Variants in CDV3 observed in about 807,000 individuals in gnomAD.
CDV3 encodes protein CDV3 homolog.
In CDV3, 14 loss-of-function variants were observed where a neutral mutation model predicts 24.5. The observed-to-expected ratio is 0.57, with a 90% CI of 0.38 to 0.89. The LOEUF (loss-of-function observed/expected upper bound fraction) is 0.89, where lower values mean the gene tolerates loss of function less well. Ranked by LOEUF, CDV3 falls within the 40% of genes least tolerant of loss-of-function variation. CDV3 has a pLI of 0.00. For synonymous variants in CDV3, 114 were observed against 114.1 expected, an observed-to-expected ratio of 1.00 and a Z score of 0.00; for missense variants, 304 against 310.2, an observed-to-expected ratio of 0.98 and a Z score of 0.15.
At chr3:133,579,076 C>T (rs971706468) in intron 2 of CDV3, among the ~76,000 whole-genome samples, 1 of 152,142 alleles carries the variant, frequency 6.6e-6, no homozygotes, top group African/African-American at 2.4e-5. Context: ...CTTTGTAGCC[C>T]TGGGGAAGGT....
At chr3:133,581,778 G>A (rs111857173) in intron 2 of CDV3, among the ~76,000 whole-genome samples, 2,112 of 152,240 alleles carry the variant, frequency 0.014, 41 homozygotes, top group African/African-American at 0.049. Flanking sequence ...AGATGTTTTT[G>A]TATTTATATT....
intron 2 of CDV3, among the ~76,000 whole-genome samples, chr3:133,575,705 A>G (rs1292772304): frequency 2.6e-5 from 4 of 152,256 alleles, no homozygotes; most frequent in Admixed American, 6.5e-5. Context: ...ACTTCATAGG[A>G]ATGGAATTAT....
intron 2 of CDV3, among the ~76,000 whole-genome samples, chr3:133,581,877 T>C (rs1391341593): frequency 6.6e-6 from 1 of 152,242 alleles, no homozygotes; most frequent in Non-Finnish European, 1.5e-5. Flanking sequence ...TTTAAATGGC[T>C]GCATAGAATT....
chr3:133,574,747 AAG>A, intron 1 of CDV3: 2 of 1,088,062 alleles, frequency 1.8e-6, no homozygotes, highest in Non-Finnish European at 2.2e-6. Context: ...GGCAAGGTTG[AAG>A]TAGAAATGTA....
intron 3 of CDV3, among the ~76,000 whole-genome samples, chr3:133,584,439 A>T (rs1403685839): frequency 1.3e-5 from 2 of 152,206 alleles, no homozygotes; most frequent in African/African-American, 4.8e-5. Flanking sequence ...TTCTTCTAAT[A>T]TTCTCGTTAA....
In CDV3 at chr3:133,573,882, G is replaced by A; in HGVS notation, c.-163G>A. The A allele has an allele frequency of 5.4e-6, 2 of 368,988 alleles. No homozygotes were observed. The highest frequency in any genetic ancestry group is 7.5e-6 in the Non-Finnish European group (2 of 266,722). 22.9% of individuals were successfully genotyped at this position (368,988 alleles called of 1,614,324 possible). On this transcript the variant is annotated 5_prime_UTR_variant, in exon 1 of 5. Coordinates refer to ENST00000264993, the MANE Select transcript of CDV3 (RefSeq NM_017548.5). ...GTACCACCGCTCGCCAGCACGCAGG[G>A]GGAGCCGCCCGTCTCGCCGCGCACG... is the stretch of plus-strand genomic sequence containing the variant.
chr3:133,580,987 T>C (rs1435155885), intron 2 of CDV3, among the ~76,000 whole-genome samples: 1 of 152,200 alleles, frequency 6.6e-6, no homozygotes, highest in South Asian at 2.1e-4. Context: ...TTAATTTTTT[T>C]CCTAAGGGCA....
At chr3:133,580,346 A>G (rs2074968195) in intron 2 of CDV3, among the ~76,000 whole-genome samples, 3 of 152,334 alleles carry the variant, frequency 2.0e-5, no homozygotes, top group South Asian at 4.1e-4. Context: ...TATATGTGCA[A>G]CGTTTTCTTT....
Position 133,575,005 on chromosome 3 carries a change from A to T in CDV3, c.241-34A>T, listed in dbSNP as rs560653256. 111 of 1,323,176 alleles carry T rather than the reference A, an allele frequency of 8.4e-5. 1 individual carries two copies. The Admixed American group carries it at 9.6e-4, about 11-fold the overall frequency. 82.0% of individuals were successfully genotyped at this position (1,323,176 alleles called of 1,614,324 possible). The stretch of plus-strand genomic sequence containing the variant: ...TTTGCTTAGTTATATGTCTACAAAT[A>T]GCTTTAATTGATCAAATGGCGTTTG... On this transcript the variant is annotated intron_variant, in intron 1 of 4. Coordinates refer to ENST00000264993, the MANE Select transcript of CDV3 (RefSeq NM_017548.5).
chr3:133,584,796 C>T (rs565839927), intron 3 of CDV3, among the ~76,000 whole-genome samples: 1 of 152,144 alleles, frequency 6.6e-6, no homozygotes, highest in East Asian at 1.9e-4. Context: ...AATCTTATAC[C>T]TTAACAGTCA....
chr3:133,588,224 T>G lies in CDV3; in HGVS notation c.*178T>G. On this transcript the variant is annotated 3_prime_UTR_variant, in exon 5 of 5. Transcript: ENST00000264993. ...TCACGACTGCTCTATGCATATTGGA[T>G]TTAGGGGAATTTTCATTGTTACATA... 1 of 1,537,082 alleles carries G rather than the reference T, an allele frequency of 6.5e-7. No homozygotes were observed. The highest frequency in any genetic ancestry group is 8.8e-7 in the Non-Finnish European group (1 of 1,141,084).
In CDV3 at chr3:133,588,007, G is replaced by A; in HGVS notation, c.738G>A (p.Val246=). ...LKLQLDNQYA[V]LENQKSSHSQ... is the part of the protein sequence containing the mutation. ...TTCAGCTAGACAACCAATATGCTGTGCTTGAAAATCAGAAAAGCAGCCACT... is the reference window on the plus strand; with the variant it reads ...TTCAGCTAGACAACCAATATGCTGTACTTGAAAATCAGAAAAGCAGCCACT... Residue 246 remains valine, a synonymous_variant, in exon 5 of 5, where the codon GTG becomes GTA. Coordinates refer to ENST00000264993, the MANE Select transcript of CDV3 (RefSeq NM_017548.5). 1.2e-6 allele frequency: 2 copies of A among 1,613,976 alleles called. No individual in the cohort carries two copies. The highest frequency in any genetic ancestry group is 2.2e-5 in the East Asian group (1 of 44,886).
intron 2 of CDV3, among the ~76,000 whole-genome samples, chr3:133,575,993 G>A (rs577873686): frequency 2.4e-4 from 37 of 152,324 alleles, no homozygotes; most frequent in African/African-American, 6.7e-4. Context: ...GCATTTTATA[G>A]GCAATGCCAG....
rs144291354 is a variant in CDV3 at position 133,586,628 on chromosome 3, A to G, written c.532A>G (p.Thr178Ala). The G allele has an allele frequency of 2.5e-5, 40 of 1,598,266 alleles. No individual in the cohort carries two copies. Among genetic ancestry groups the G allele is most frequent in the Non-Finnish European group, 3.2e-5 (37 of 1,165,606 alleles). Residue 178 changes from threonine to alanine, a missense_variant, in exon 4 of 5, where the codon ACA (threonine) becomes GCA (alanine). Physicochemically the swap from Thr to Ala is moderately conservative, Grantham distance 58. Coordinates refer to ENST00000264993, the MANE Select transcript of CDV3 (RefSeq NM_017548.5). ...VYRPPGARLTTTRKTPQGPPE... is the reference protein window; with the variant it reads ...VYRPPGARLTATRKTPQGPPE... The stretch of plus-strand genomic sequence containing the variant: ...TAGGCCTCCTGGGGCCAGGTTAACC[A>G]CAACAAGGAAAACACCACAAGGACC...
At chr3:133,583,835 T>TA (rs1453254276) in intron 2 of CDV3, among the ~76,000 whole-genome samples, 167 bp from the exon 3 acceptor site, 1 of 152,222 alleles carries the variant, frequency 6.6e-6, no homozygotes, top group Non-Finnish European at 1.5e-5. Context: ...GTCCTGGGAT[T>TA]ACAGGTGTGA....
rs1220243523 is a variant in CDV3 at position 133,587,933 on chromosome 3, C to G, written c.664C>G (p.His222Asp). ...EMEKSFEVVR[H>D]KNRGRDEVSK... Reference sequence around the variant, plus strand: ...GGAGAAGAGCTTTGAAGTAGTAAGACACAAAAATAGAGGTAGGGATGAGGT... The same window carrying G: ...GGAGAAGAGCTTTGAAGTAGTAAGAGACAAAAATAGAGGTAGGGATGAGGT... Residue 222 changes from histidine to aspartate, a missense_variant, in exon 5 of 5, where the codon CAC becomes GAC. His to Asp is a moderately conservative substitution (Grantham distance 81, BLOSUM62 -1). Transcript: ENST00000264993. The G allele has an allele frequency of 6.2e-7, 1 of 1,612,828 alleles. No individual in the cohort carries two copies. The highest frequency in any genetic ancestry group is 2.2e-5 in the East Asian group (1 of 44,878).
chr3:133,576,841 C>CTTTTTTGTTTTTTTTTTTTTTT (rs2074827709), intron 2 of CDV3, among the ~76,000 whole-genome samples: 1 of 62,388 alleles, frequency 1.6e-5, no homozygotes, highest in African/African-American at 6.8e-5. Context: ...GGTAGACTAG[C>CTTTTTTGTTTTTTTTTTTTTTT]TTTTTTTTTT....
rs763274656 is a variant in CDV3, at chr3:133,575,080, T to G, written c.282T>G (p.Asp94Glu). ...EWKELEQKEV[D>E]YSGLRVQAMQ... ...AAGAATTGGAGCAAAAAGAGGTTGA[T>G]TACAGCGGCCTCAGGGTTCAGGCAA... Residue 94 changes from aspartate to glutamate, a missense_variant, in exon 2 of 5, where the codon GAT becomes GAG. Asp to Glu is a conservative substitution (Grantham distance 45). This residue lies in a region of CDV3 where 219 missense variants were observed against 203.6 expected (regional missense o/e 1.08). Coordinates refer to ENST00000264993, the MANE Select transcript of CDV3 (RefSeq NM_017548.5). 44 of 1,605,274 alleles carry G rather than the reference T, an allele frequency of 2.7e-5. No individual in the cohort carries two copies. The highest frequency in any genetic ancestry group is 3.7e-5 in the Non-Finnish European group (43 of 1,172,038).
chr3:133,574,786 C>A, intron 1 of CDV3: 2 of 1,058,654 alleles, frequency 1.9e-6, no homozygotes, highest in Non-Finnish European at 2.4e-6. Flanking sequence ...TGACTTCTTC[C>A]TTCGGCTTTT....
Sources: gnomAD v4.1 joint callset for allele counts (sites outside exome capture counted in the v4.1 genomes callset) on GRCh38, gnomAD v4.1.1 for gene constraint, gnomAD v4.1.1 regional missense constraint, MANE v1.5 for transcripts, NCBI Gene and HGNC (gene_info 2026-07-23, HGNC 2026-07-21) for gene names.